PPM1H: variants seen among roughly 807,000 people sequenced by gnomAD.
PPM1H encodes the protein protein phosphatase, Mg2+/Mn2+ dependent 1H.
A neutral mutation model predicts 54.9 loss-of-function variants in PPM1H; 27 were observed. That is an observed-to-expected ratio of 0.49 (90% CI 0.36 to 0.68). The LOEUF is 0.68. PPM1H is among the 30% of genes least tolerant of loss of function. The probability of loss-of-function intolerance (pLI) is 0.00; values close to 1 mark genes in which losing one functional copy is unlikely to be tolerated. For synonymous variants in PPM1H, 305 were observed against 270.8 expected (o/e 1.13, Z -1.24); for missense variants, 596 against 667.8 (o/e 0.89, Z 1.19).
At chr12:62,812,397 T>G (rs1242398550) in intron 2 of PPM1H, among the ~76,000 whole-genome samples, 1 of 152,206 alleles carries the variant, frequency 6.6e-6, no homozygotes, top group African/African-American at 2.4e-5. Context: ...AAACATGAGT[T>G]AAATGTGTAC....
In PPM1H at chr12:62,934,950, T is replaced by A. The variant is rs1226586098; in HGVS notation, c.-214A>T. ...CGCGGTGGCCGCCGCCTCCCCCCGC[T>A]ACACTTCCGCAACGGAGCTGCATGG... is the stretch of plus-strand genomic sequence containing the variant. On this transcript the variant is annotated 5_prime_UTR_variant, in exon 1 of 10. Transcript: ENST00000228705. This position sits in a 1 kb window ranked among gnomAD's most constrained non-coding sequence, Gnocchi z 4.2. 4 of 303,970 alleles carry A rather than the reference T, an allele frequency of 1.3e-5. No individual in the cohort carries two copies. In the South Asian group the frequency reaches 6.2e-4, roughly 47 times the overall value. The allele number at this position is 303,970 out of a possible 1,614,324, so 18.8% of individuals were successfully genotyped here.
At chr12:62,708,756 T>C (rs556888666) in intron 6 of PPM1H, among the ~76,000 whole-genome samples, 1 of 152,338 alleles carries the variant, frequency 6.6e-6, no homozygotes, top group Admixed American at 6.5e-5. Flanking sequence ...AGGAGGTACA[T>C]GGGCAGCTTT....
At chr12:62,904,304 T>A (rs1285721099) in intron 1 of PPM1H, among the ~76,000 whole-genome samples, 1 of 152,012 alleles carries the variant, frequency 6.6e-6, no homozygotes, top group African/African-American at 2.4e-5. Context: ...AGTGGCATGA[T>A]CTTGGCTCAC....
At chr12:62,808,656 T>C (rs1428171866) in intron 2 of PPM1H, among the ~76,000 whole-genome samples, 1 of 152,004 alleles carries the variant, frequency 6.6e-6, no homozygotes, top group East Asian at 1.9e-4. Context: ...CACAAACCAC[T>C]AACCATCACC....
chr12:62,843,103 G>A (rs1013219084), intron 1 of PPM1H, among the ~76,000 whole-genome samples: 7 of 152,188 alleles, frequency 4.6e-5, no homozygotes, highest in Non-Finnish European at 1.0e-4. Flanking sequence ...ATTGCTTGAG[G>A]TCAGGAGTTT....
At chr12:62,861,131 T>G (rs1023010739) in intron 1 of PPM1H, among the ~76,000 whole-genome samples, 1 of 152,204 alleles carries the variant, frequency 6.6e-6, no homozygotes, top group Non-Finnish European at 1.5e-5. Context: ...GCTTAAAAAT[T>G]GAACTAGACT....
At chr12:62,859,353 G>C (rs1481876967) in intron 1 of PPM1H, among the ~76,000 whole-genome samples, 1 of 152,168 alleles carries the variant, frequency 6.6e-6, no homozygotes, top group Non-Finnish European at 1.5e-5. Context: ...TCATTTTTGT[G>C]CCTTTTCCGG....
At chr12:62,684,039 C>CACTGAACTCT (rs2076038209) in intron 8 of PPM1H, among the ~76,000 whole-genome samples, 1 of 152,176 alleles carries the variant, frequency 6.6e-6, no homozygotes, top group Non-Finnish European at 1.5e-5. Flanking sequence ...AAATCCTATC[C>CACTGAACTCT]TTCTCCACTG....
intron 9 of PPM1H, among the ~76,000 whole-genome samples, chr12:62,652,812 C>A (rs1003524251): frequency 6.6e-6 from 1 of 152,176 alleles, no homozygotes; most frequent in Non-Finnish European, 1.5e-5. Context: ...TCTACACTTA[C>A]ATAAATAAAC....
rs983570275 is a variant in PPM1H at position 62,844,720 on chromosome 12, C to T, written c.246-12441G>A. ...TCTCCCTATCTCAAATCACATAGCACGGAGTAGGTACTCGATAAATGTTAA... is the reference window on the plus strand; with the variant it reads ...TCTCCCTATCTCAAATCACATAGCATGGAGTAGGTACTCGATAAATGTTAA... On this transcript the variant is annotated intron_variant, in intron 1 of 9. Coordinates refer to ENST00000228705, the MANE Select transcript of PPM1H (RefSeq NM_020700.2). This position sits in a 1 kb window ranked among gnomAD's most constrained non-coding sequence, Gnocchi z 5.2. Among the ~76,000 whole-genome samples, 7 of 152,272 alleles carry T rather than the reference C, an allele frequency of 4.6e-5. No homozygotes were observed. Among genetic ancestry groups the T allele is most frequent in the East Asian group, 1.9e-4 (1 of 5,176 alleles).
At chr12:62,721,243 G>C (rs185344483) in intron 5 of PPM1H, among the ~76,000 whole-genome samples, 1 of 152,142 alleles carries the variant, frequency 6.6e-6, no homozygotes, top group Admixed American at 6.5e-5. Context: ...CAATGCCGGC[G>C]GATCTCTCAC....
intron 1 of PPM1H, among the ~76,000 whole-genome samples, chr12:62,884,785 G>T (rs1870527391): frequency 6.6e-6 from 1 of 152,148 alleles, no homozygotes; most frequent in Non-Finnish European, 1.5e-5. Context: ...ATTTGGGCAT[G>T]GTAGAGTTGA....
At chr12:62,825,941 A>C (rs147597802) in intron 2 of PPM1H, among the ~76,000 whole-genome samples, 1 of 152,132 alleles carries the variant, frequency 6.6e-6, no homozygotes, top group African/African-American at 2.4e-5. Flanking sequence ...AAAAGAGCTC[A>C]AACACAGGAA....
Position 62,733,908 on chromosome 12 carries a change from C to A in PPM1H, c.954+3594G>T, listed in dbSNP as rs978767483. Among the ~76,000 whole-genome samples the A allele has an allele frequency of 5.3e-5, 8 of 152,164 alleles. No individual in the cohort carries two copies. In the East Asian group the frequency reaches 1.3e-3, roughly 26 times the overall value. On this transcript the variant is annotated intron_variant, in intron 5 of 9. Coordinates refer to ENST00000228705, the MANE Select transcript of PPM1H (RefSeq NM_020700.2). Reference sequence around the variant, plus strand: ...GTTAGAAATGGTTCTTAAATAAAAACGAGGAAAAAAATTACCCTGGTTTGC... The same window carrying A: ...GTTAGAAATGGTTCTTAAATAAAAAAGAGGAAAAAAATTACCCTGGTTTGC...
rs546926901 is a variant in PPM1H, at chr12:62,901,973, G to A, written c.245+32519C>T. ...GGATAATAAAACAGAAAACAAATAC[G>A]AAATAATCCATCTGAAACATGGTTT... On this transcript the variant is annotated intron_variant, in intron 1 of 9. Coordinates refer to ENST00000228705, the MANE Select transcript of PPM1H (RefSeq NM_020700.2). Among the ~76,000 whole-genome samples, 55 of 152,268 alleles carry A rather than the reference G, an allele frequency of 3.6e-4. 1 individual carries two copies. Among genetic ancestry groups the A allele is most frequent in the Middle Eastern group, 3.4e-3 (1 of 294 alleles).
chr12:62,802,056 C>T lies in PPM1H; in HGVS notation c.516G>A (p.Glu172=). Residue 172 remains glutamate, a synonymous_variant, in exon 3 of 10, where the codon GAG becomes GAA. Coordinates refer to ENST00000228705, the MANE Select transcript of PPM1H (RefSeq NM_020700.2). ...GGATGTCCACGATGTCCTGCAGCTG[C>T]TCCGTGATGTGGTGCTGCAGCAGGC... is the stretch of plus-strand genomic sequence containing the variant. ...ASRLLQHHIT[E]QLQDIVDILK... The T allele has an allele frequency of 6.2e-7, 1 of 1,613,392 alleles. No homozygotes were observed.
intron 7 of PPM1H, among the ~76,000 whole-genome samples, chr12:62,693,652 G>A (rs1165707073): frequency 6.6e-6 from 1 of 152,218 alleles, no homozygotes; most frequent in African/African-American, 2.4e-5. Context: ...AGTGGTTCAT[G>A]TTTAAACACT....
intron 3 of PPM1H, among the ~76,000 whole-genome samples, chr12:62,800,955 C>T (rs1027090596): frequency 6.6e-6 from 1 of 152,156 alleles, no homozygotes; most frequent in Non-Finnish European, 1.5e-5. Context: ...CCGATCAGAC[C>T]CATTCAGATG....
chr12:62,709,408 A>G (rs1034814975), intron 6 of PPM1H, among the ~76,000 whole-genome samples: 8 of 152,120 alleles, frequency 5.3e-5, no homozygotes, highest in Non-Finnish European at 8.8e-5. Context: ...TGATTGTCCA[A>G]ATATTTTGAA....
Sources: allele counts gnomAD v4.1 joint callset (sites outside exome capture counted in the v4.1 genomes callset), GRCh38; gene constraint gnomAD v4.1.1; non-coding constraint Gnocchi (gnomAD v3.1); transcripts MANE v1.5; gene names NCBI Gene and HGNC (gene_info 2026-07-23, HGNC 2026-07-21).